SNRNP200: variants seen among roughly 807,000 people sequenced by gnomAD.
SNRNP200 encodes small nuclear ribonucleoprotein U5 subunit 200, also known as U5 small nuclear ribonucleoprotein 200 kDa helicase.
Under a neutral mutation model 255.2 loss-of-function variants are expected in SNRNP200, and 66 were observed. The ratio of observed to expected loss-of-function variants is 0.26; its 90% confidence interval spans 0.21 to 0.32. The LOEUF (loss-of-function observed/expected upper bound fraction) is 0.32. Ranked by LOEUF, SNRNP200 falls within the 10% of genes least tolerant of loss-of-function variation. The pLI is 1.00. For synonymous variants in SNRNP200, 939 were observed against 1,027.8 expected (o/e 0.91, Z 1.65); for missense variants, 1,585 against 2,749.8 (o/e 0.58, Z 9.47).
In SNRNP200 at chr2:96,285,262, T is replaced by G; in HGVS notation, c.4082A>C (p.Glu1361Ala). ...PTGSGKTICA[E>A]FAILRMLLQS... ...CAGCAGCATTCGCAGGATGGCAAAC[T>G]CTGCACAAATAGTCTTCCCGCTGCC... Residue 1361 changes from glutamate (E) to alanine (A), a missense_variant, in exon 30 of 45, where the codon GAG (glutamate) becomes GCG (alanine). Coordinates refer to ENST00000323853, the MANE Select transcript of SNRNP200 (RefSeq NM_014014.5). The G allele has an allele frequency of 6.2e-7, 1 of 1,614,088 alleles. No homozygotes were observed. The highest frequency in any genetic ancestry group is 8.5e-7 in the Non-Finnish European group (1 of 1,180,008).
At chr2:96,275,795 G>C (rs1684645104) in intron 43 of SNRNP200, among the ~76,000 whole-genome samples, 1 of 152,256 alleles carries the variant, frequency 6.6e-6, no homozygotes, top group Non-Finnish European at 1.5e-5. Context: ...GAGGCCAGGA[G>C]ATCGAGACCA....
chr2:96,299,193 C>T, intron 6 of SNRNP200, 136 bp downstream of exon 6: 2 of 972,516 alleles, frequency 2.1e-6, no homozygotes, highest in South Asian at 1.3e-5. Flanking sequence ...TTAAGAAACT[C>T]TAGACACTAA....
chr2:96,287,550 A>G lies in SNRNP200; in HGVS notation c.3373T>C (p.Ser1125Pro), dbSNP rs1243589960. Reference sequence around the variant, plus strand: ...CGGAACTGGCGCAGAGGACACATGGACTGCCACCTATCCAGGAAGGAGGCA... The same window carrying G: ...CGGAACTGGCGCAGAGGACACATGGGCTGCCACCTATCCAGGAAGGAGGCA... ...CKMIDKRMWQ[S>P]MCPLRQFRKL... Residue 1125 changes from serine (S) to proline (P), a missense_variant, in exon 26 of 45, where the codon TCC becomes CCC. By Grantham distance (74) the Ser-to-Pro change is moderately conservative. This residue lies in a region of SNRNP200 where 719 missense variants were observed against 1,091.1 expected (regional missense o/e 0.66). Coordinates refer to ENST00000323853, the MANE Select transcript of SNRNP200 (RefSeq NM_014014.5). This position sits in a 1 kb window ranked among gnomAD's most constrained non-coding sequence, Gnocchi z 5.7. 6.2e-7 allele frequency: 1 copy of G among 1,612,908 alleles called. No homozygotes were observed. Among genetic ancestry groups the G allele is most frequent in the Admixed American group, 1.7e-5 (1 of 60,026 alleles).
At chr2:96,279,730 C>A in intron 35 of SNRNP200, 171 bp from the exon 36 acceptor site, 2 of 643,876 alleles carry the variant, frequency 3.1e-6, no homozygotes. Flanking sequence ...GCTTCACTGG[C>A]TGGCCTGTAT....
chr2:96,283,215 T>C lies in SNRNP200; in HGVS notation c.4901A>G (p.Gln1634Arg). 6.2e-7 allele frequency: 1 copy of C among 1,614,210 alleles called. No individual in the cohort carries two copies. The highest frequency in any genetic ancestry group is 8.5e-7 in the Non-Finnish European group (1 of 1,180,046). The change falls in exon 34 of 45, where the codon CAG becomes CGG. Residue 1634 changes from glutamine (Q) to arginine (R), a missense_variant. Around this residue, in one of 9 missense-constraint regions of SNRNP200, gnomAD observed 719 missense variants for 1,091.1 expected, o/e 0.66. Coordinates refer to ENST00000323853, the MANE Select transcript of SNRNP200 (RefSeq NM_014014.5). This position sits in a 1 kb window ranked among gnomAD's most constrained non-coding sequence, Gnocchi z 4.7. ...GCCTGACTTACCTGAGCTGAAGAGC[T>C]GCTCCACCAGGCGTCGCTCCATGGG... Reference protein sequence around the residue: ...LSPMERRLVEQLFSSGAIQVV... With the variant: ...LSPMERRLVERLFSSGAIQVV...
intron 5 of SNRNP200, 70 bp from the exon 6 acceptor site, chr2:96,299,497 A>G: frequency 7.6e-7 from 1 of 1,313,598 alleles, no homozygotes; most frequent in African/African-American, 1.4e-5. Context: ...CTCTCCCTCA[A>G]GTCACCCTAA....
chr2:96,302,252 T>C (rs2063958044), intron 3 of SNRNP200, among the ~76,000 whole-genome samples: 1 of 152,150 alleles, frequency 6.6e-6, no homozygotes, highest in Admixed American at 6.5e-5. Context: ...TTCATGGAGT[T>C]ATGTAGGGTT....
At position 96,278,383 on chromosome 2, in the gene SNRNP200, G is replaced by A. The variant is rs764009745; in HGVS notation, c.5489-25C>T. The A allele has an allele frequency of 6.2e-7, 1 of 1,613,824 alleles. No homozygotes were observed. The highest frequency in any genetic ancestry group is 8.5e-7 in the Non-Finnish European group (1 of 1,179,914). On this transcript the variant is annotated intron_variant, in intron 38 of 44. Transcript: ENST00000323853. This position sits in a 1 kb window ranked among gnomAD's most constrained non-coding sequence, Gnocchi z 6.9. ...TCTGACAGAAAAAGGAAATGTGAGA[G>A]AAGCTAAAACCAGGCAGAGAAGGAG...
In SNRNP200 at chr2:96,277,127, T is replaced by C. The variant is rs1684679996; in HGVS notation, c.6046A>G (p.Asn2016Asp). 1 of 1,614,176 alleles carries C rather than the reference T, an allele frequency of 6.2e-7. No homozygotes were observed. Among genetic ancestry groups the C allele is most frequent in the Non-Finnish European group, 8.5e-7 (1 of 1,180,034 alleles). The stretch of plus-strand genomic sequence containing the variant: ...ACCACCTCATAAGATAGTTCGATAT[T>C]AGGGTAGCGGTTACAAAAGCGAGCC... The part of the protein sequence containing the change: ...DVARFCNRYP[N>D]IELSYEVVDK... Residue 2016 changes from asparagine (N) to aspartate (D), a missense_variant, in exon 42 of 45, where the codon AAT becomes GAT. Transcript: ENST00000323853. The surrounding 1 kb of genome is among the most constrained non-coding windows in gnomAD (Gnocchi z 4.4).
In SNRNP200 at chr2:96,287,522, T is replaced by C. The variant is rs1365985942; in HGVS notation, c.3401A>G (p.Lys1134Arg). 1 of 1,614,074 alleles carries C rather than the reference T, an allele frequency of 6.2e-7. No individual in the cohort carries two copies. The highest frequency in any genetic ancestry group is 8.5e-7 in the Non-Finnish European group (1 of 1,179,974). Residue 1134 changes from lysine (K) to arginine (R), a missense_variant, in exon 26 of 45, where the codon AAA becomes AGA. Coordinates refer to ENST00000323853, the MANE Select transcript of SNRNP200 (RefSeq NM_014014.5). The surrounding 1 kb of genome is among the most constrained non-coding windows in gnomAD (Gnocchi z 5.7). ...CTTCTTCACTACTTCCTCAGGGAGTTTCCGGAACTGGCGCAGAGGACACAT... is the reference window on the plus strand; with the variant it reads ...CTTCTTCACTACTTCCTCAGGGAGTCTCCGGAACTGGCGCAGAGGACACAT... ...QSMCPLRQFR[K>R]LPEEVVKKIE...
intron 4 of SNRNP200, 115 bp downstream of exon 4, chr2:96,301,409 C>G: frequency 1.8e-6 from 2 of 1,120,748 alleles, no homozygotes; most frequent in South Asian, 2.5e-5. Flanking sequence ...AAACACAGAA[C>G]AGATTATGGG....
intron 30 of SNRNP200, 84 bp from the exon 31 acceptor site, chr2:96,284,669 A>G (rs2104341431): frequency 6.4e-6 from 6 of 938,280 alleles, no homozygotes; most frequent in Non-Finnish European, 1.0e-5. Flanking sequence ...GAGATGCCAA[A>G]CAGACCTGTT....
rs1340780912 is a variant in SNRNP200 at position 96,277,671 on chromosome 2, A to G, written c.5799T>C (p.Asn1933=). The G allele has an allele frequency of 6.2e-7, 1 of 1,614,130 alleles. No individual in the cohort carries two copies. Among genetic ancestry groups the G allele is most frequent in the Non-Finnish European group, 8.5e-7 (1 of 1,180,016 alleles). The change falls in exon 41 of 45, where the codon AAT becomes AAC. Residue 1933 remains asparagine, a synonymous_variant. Coordinates refer to ENST00000323853, the MANE Select transcript of SNRNP200 (RefSeq NM_014014.5). The surrounding 1 kb of genome is among the most constrained non-coding windows in gnomAD (Gnocchi z 4.4). The stretch of plus-strand genomic sequence containing the variant: ...CTGCCAGAGCAGGGCTGAGCCACCC[A>G]TTGCTGGAAAGGACATCCACGCAGG... ...IQACVDVLSS[N]GWLSPALAAM...
At chr2:96,282,928 C>T in intron 34 of SNRNP200, 1 of 533,426 alleles carries the variant, frequency 1.9e-6, no homozygotes. Flanking sequence ...GGTCTGGTGG[C>T]CAAAGGTCCT....
Position 96,278,979 on chromosome 2 carries a change from A to G in SNRNP200, c.5153T>C (p.Leu1718Ser). ...AGATTCTACTGGCAATGGCTCATAT[A>G]AGAACTTCTTGAAGAAATCCTGTGG... ...GSKKDFFKKFLYEPLPVESHL... is the reference protein window; with the variant it reads ...GSKKDFFKKFSYEPLPVESHL... The change falls in exon 37 of 45, where the codon TTA (leucine) becomes TCA (serine). Residue 1718 changes from leucine (L) to serine (S), a missense_variant. Physicochemically the swap from Leu to Ser is moderately radical, Grantham distance 145. Coordinates refer to ENST00000323853, the MANE Select transcript of SNRNP200 (RefSeq NM_014014.5). This position sits in a 1 kb window ranked among gnomAD's most constrained non-coding sequence, Gnocchi z 6.9. 6.2e-7 allele frequency: 1 copy of G among 1,613,976 alleles called. No individual in the cohort carries two copies. Among genetic ancestry groups the G allele is most frequent in the South Asian group, 1.1e-5 (1 of 91,070 alleles).
Position 96,291,834 on chromosome 2 carries a change from G to A in SNRNP200, c.2227C>T (p.Leu743=). The part of the protein sequence containing the change: ...KTARAIRDMC[L]EKDTLGLFLR... ...AACAGACCCAGAGTGTCCTTTTCTA[G>A]GCACATGTCCCGGATGGCCCTGGCT... The change falls in exon 17 of 45, where the codon CTA becomes TTA. Residue 743 remains leucine, a synonymous_variant. Coordinates refer to ENST00000323853, the MANE Select transcript of SNRNP200 (RefSeq NM_014014.5). The surrounding 1 kb of genome is among the most constrained non-coding windows in gnomAD (Gnocchi z 4.2). The A allele has an allele frequency of 1.9e-6, 3 of 1,614,178 alleles. No individual in the cohort carries two copies. Among genetic ancestry groups the A allele is most frequent in the Non-Finnish European group, 2.5e-6 (3 of 1,180,022 alleles).
Position 96,287,902 on chromosome 2 carries a change from TCTGTAAG to T in SNRNP200, c.3319_3325del (p.Leu1107ThrfsTer4). 1 of 1,614,280 alleles carries T rather than the reference TCTGTAAG, an allele frequency of 6.2e-7. No homozygotes were observed. Among genetic ancestry groups the T allele is most frequent in the East Asian group, 2.2e-5 (1 of 44,894 alleles). ...CATCTTGCAGAGGTTCAGGGTCTTG[TCTGTAAG>T]CTGTGCCCAACCTCGGTTCAGGACA... On this transcript the variant is annotated frameshift_variant, in exon 25 of 45. Transcript: ENST00000323853. LOFTEE classifies it high-confidence loss of function. The surrounding 1 kb of genome is among the most constrained non-coding windows in gnomAD (Gnocchi z 5.7).
At chr2:96,296,291 C>A (rs1323335046) in intron 13 of SNRNP200, among the ~76,000 whole-genome samples, 2 of 152,140 alleles carry the variant, frequency 1.3e-5, no homozygotes, top group African/African-American at 4.8e-5. Context: ...AGAAAATTGC[C>A]ATGGAGAGGA....
rs1051982842 is a variant in SNRNP200 at position 96,291,013 on chromosome 2, C to T, written c.2422-198G>A. On this transcript the variant is annotated intron_variant, in intron 18 of 44. Transcript: ENST00000323853. This position sits in a 1 kb window ranked among gnomAD's most constrained non-coding sequence, Gnocchi z 4.2. ...GGTTCCTCATCTATTCAGTAATGAA[C>T]ATTTCAAGGTTCCAGAGGCACAAGT... Among the ~76,000 whole-genome samples, 8 of 152,150 alleles carry T rather than the reference C, an allele frequency of 5.3e-5. No individual in the cohort carries two copies. Among genetic ancestry groups the T allele is most frequent in the Non-Finnish European group, 1.0e-4 (7 of 68,026 alleles).
Sources: allele counts gnomAD v4.1 joint callset (sites outside exome capture counted in the v4.1 genomes callset), GRCh38; gene constraint gnomAD v4.1.1; regional missense constraint gnomAD v4.1.1; non-coding constraint Gnocchi (gnomAD v3.1); transcripts MANE v1.5; gene names NCBI Gene and HGNC (gene_info 2026-07-23, HGNC 2026-07-21).